Variants in DNAH9 observed in about 807,000 individuals in gnomAD.
DNAH9 encodes the protein DNAH9 variant protein.
A neutral mutation model predicts 471.6 loss-of-function variants in DNAH9; 345 were observed. That is an observed-to-expected ratio of 0.73 (90% CI 0.67 to 0.80). DNAH9 has a LOEUF of 0.80. Ranked by LOEUF, DNAH9 falls within the 30% of genes least tolerant of loss-of-function variation. The pLI, the probability that DNAH9 is intolerant of heterozygous loss-of-function variation, is 0.00. For missense variants in DNAH9, 5,407 were observed against 5,609.2 expected (o/e 0.96, Z 1.15); for synonymous variants, 2,093 against 2,123.6 (o/e 0.99, Z 0.40).
chr17:11,843,962 A>G (rs886248977), intron 49 of DNAH9, among the ~76,000 whole-genome samples: 8 of 147,840 alleles, frequency 5.4e-5, no homozygotes, highest in Non-Finnish European at 1.2e-4. Context: ...ACCAGGACAT[A>G]ATGTTTTATC....
intron 26 of DNAH9, among the ~76,000 whole-genome samples, chr17:11,712,318 C>T (rs2074882934): frequency 1.3e-5 from 2 of 151,276 alleles, no homozygotes; most frequent in Non-Finnish European, 2.9e-5. Flanking sequence ...ACCACATGCT[C>T]TTTATCCATT....
chr17:11,642,242 CA>C (rs2073288615), intron 10 of DNAH9, among the ~76,000 whole-genome samples: 1 of 152,104 alleles, frequency 6.6e-6, no homozygotes, highest in Admixed American at 6.5e-5. Context: ...AAAATGAATT[CA>C]AATGTGTATT....
At chr17:11,927,613 C>T (rs1010362674) in intron 62 of DNAH9, among the ~76,000 whole-genome samples, 2 of 152,190 alleles carry the variant, frequency 1.3e-5, no homozygotes, top group Non-Finnish European at 2.9e-5. Context: ...CATCTTTTAA[C>T]ATCCCATGGC....
intron 57 of DNAH9, among the ~76,000 whole-genome samples, chr17:11,889,047 A>C (rs968162676): frequency 1.3e-5 from 2 of 152,210 alleles, no homozygotes; most frequent in South Asian, 2.1e-4. Context: ...CTTAAGTGGC[A>C]GTAAAGTAAT....
At position 11,621,892 on chromosome 17, in the gene DNAH9, C is replaced by T. The variant is rs1302080184; in HGVS notation, c.1350+2111C>T. Among the ~76,000 whole-genome samples the T allele has an allele frequency of 2.0e-5, 3 of 149,644 alleles. No individual in the cohort carries two copies. In the Admixed American group the frequency reaches 2.0e-4, roughly 10 times the overall value. On this transcript the variant is annotated intron_variant, in intron 6 of 68. Transcript: ENST00000262442. ...GTCAGGAGTTTGAGACGAACCTGAC[C>T]AACATGGTGAAACCCCGTCTCTACT...
intron 66 of DNAH9, among the ~76,000 whole-genome samples, chr17:11,941,651 C>T (rs1008193266): frequency 1.3e-5 from 2 of 151,942 alleles, no homozygotes; most frequent in South Asian, 2.1e-4. Context: ...AGGATAGAAA[C>T]TGCAGTGTTG....
chr17:11,761,635 C>T (rs1597607864), intron 35 of DNAH9, among the ~76,000 whole-genome samples: 1 of 152,162 alleles, frequency 6.6e-6, no homozygotes, highest in African/African-American at 2.4e-5. Context: ...CTTTGACAAA[C>T]TGGAGCACAG....
chr17:11,769,500 C>T (rs112166870), intron 38 of DNAH9, among the ~76,000 whole-genome samples, 171 bp downstream of exon 38: 7 of 152,290 alleles, frequency 4.6e-5, no homozygotes, highest in African/African-American at 1.7e-4. Context: ...CTCTTTCTGG[C>T]TCCTCCAGCA....
At position 11,883,658 on chromosome 17, in the gene DNAH9, C is replaced by G; in HGVS notation, c.10879C>G (p.Leu3627Val). Residue 3627 changes from leucine to valine, a missense_variant, in exon 56 of 69, where the codon CTC (leucine) becomes GTC (valine). Physicochemically the swap from Leu to Val is conservative, Grantham distance 32 (BLOSUM62 1). Around this residue, in one of 3 missense-constraint regions of DNAH9, gnomAD observed 4,636 missense variants for 4,900.3 expected, o/e 0.95. Transcript: ENST00000262442. ...KTLEDSLLSR[L>V]SSASGNFLGE... The stretch of plus-strand genomic sequence containing the variant: ...GTTGGAAGACAGTCTTCTCTCTCGC[C>G]TCTCCTCCGCCTCTGGGAACTTCCT... 6.2e-7 allele frequency: 1 copy of G among 1,614,114 alleles called. No individual in the cohort carries two copies. The highest frequency in any genetic ancestry group is 8.5e-7 in the Non-Finnish European group (1 of 1,179,982).
chr17:11,889,487 G>GC (rs35320916), intron 57 of DNAH9, among the ~76,000 whole-genome samples: 92,783 of 152,080 alleles, frequency 0.61, 30,909 homozygotes, highest in Middle Eastern at 0.75. Flanking sequence ...AAGGGATGCT[G>GC]CCCCCCTAGA....
At chr17:11,640,720 G>A (rs2073255339) in intron 10 of DNAH9, among the ~76,000 whole-genome samples, 1 of 152,134 alleles carries the variant, frequency 6.6e-6, no homozygotes, top group African/African-American at 2.4e-5. Context: ...TGCTGCTGAG[G>A]CCACTGGAAA....
intron 61 of DNAH9, among the ~76,000 whole-genome samples, chr17:11,923,323 T>C (rs1260904483): frequency 6.6e-6 from 1 of 151,954 alleles, no homozygotes; most frequent in African/African-American, 2.4e-5. Context: ...GTGATCCACC[T>C]GCTGCCTCAG....
At chr17:11,693,797 TG>T in intron 20 of DNAH9, 70 bp from the exon 21 acceptor site, 2 of 1,528,836 alleles carry the variant, frequency 1.3e-6, no homozygotes, top group South Asian at 2.3e-5. Flanking sequence ...TGCTTCTAAC[TG>T]GCTCCATGGA....
intron 59 of DNAH9, among the ~76,000 whole-genome samples, chr17:11,902,363 G>A (rs1203227962): frequency 6.6e-6 from 1 of 152,128 alleles, no homozygotes; most frequent in Non-Finnish European, 1.5e-5. Flanking sequence ...AGGAGGAAAG[G>A]GAGAAGTCAC....
At chr17:11,926,006 T>C (rs1974305856) in intron 62 of DNAH9, among the ~76,000 whole-genome samples, 1 of 126,502 alleles carries the variant, frequency 7.9e-6, no homozygotes, top group Non-Finnish European at 1.6e-5. Flanking sequence ...CAGCAATGTT[T>C]CCCAGCCTGT....
chr17:11,698,171 T>TTAA (rs1555568203), intron 22 of DNAH9, among the ~76,000 whole-genome samples: 35 of 8,696 alleles, frequency 4.0e-3, no homozygotes, highest in Non-Finnish European at 8.6e-3. Flanking sequence ...TATTATTATA[T>TTAA]TAATATATTA....
chr17:11,883,232 A>T, intron 55 of DNAH9: 2 of 1,018,660 alleles, frequency 2.0e-6, no homozygotes, highest in Non-Finnish European at 2.4e-6. Context: ...CTCTCCAGAG[A>T]ACTAAAACTG....
At chr17:11,886,309 G>A (rs909631222) in intron 56 of DNAH9, among the ~76,000 whole-genome samples, 1 of 152,146 alleles carries the variant, frequency 6.6e-6, no homozygotes, top group African/African-American at 2.4e-5. Context: ...GGGGACAAGA[G>A]CGAGACTTTG....
intron 21 of DNAH9, 57 bp downstream of exon 21, chr17:11,694,055 A>T: frequency 1.3e-6 from 2 of 1,591,822 alleles, no homozygotes; most frequent in Non-Finnish European, 1.7e-6. Context: ...CCTTTTCCCC[A>T]TCGTCTCTGA....
Sources: allele counts gnomAD v4.1 joint callset (sites outside exome capture counted in the v4.1 genomes callset), GRCh38; gene constraint gnomAD v4.1.1; regional missense constraint gnomAD v4.1.1; transcripts MANE v1.5; gene names NCBI Gene and HGNC (gene_info 2026-07-23, HGNC 2026-07-21).